KCNJ4: variants seen among roughly 807,000 people sequenced by gnomAD.
KCNJ4 encodes potassium inwardly rectifying channel subfamily J member 4.
KCNJ4 carries 3 observed loss-of-function variants against 25.6 expected under a neutral mutation model. The observed-to-expected ratio is 0.12, with a 90% CI of 0.05 to 0.30. The LOEUF is 0.30. KCNJ4 is among the 10% of genes least tolerant of loss of function. The pLI is 1.00. For missense variants in KCNJ4, 286 were observed against 666.8 expected (o/e 0.43, Z 6.29); for synonymous variants, 257 against 283.9 (o/e 0.91, Z 0.95).
chr22:38,435,642 A>C (rs1434323972), intron 1 of KCNJ4, among the ~76,000 whole-genome samples: 1 of 151,774 alleles, frequency 6.6e-6, no homozygotes, highest in Non-Finnish European at 1.5e-5. Flanking sequence ...GCAGTGAGCC[A>C]AGATCGTGCC....
rs553982897 is a variant in KCNJ4 at position 38,443,285 on chromosome 22, C to T, written c.-40+11695G>A. 2.5e-3 allele frequency among the ~76,000 whole-genome samples: 385 copies of T among 152,282 alleles called. 2 individuals are homozygous for T. The highest frequency in any genetic ancestry group is 3.8e-3 in the Non-Finnish European group (258 of 68,024). ...GTGCCCAGCTCCGCCATCCCACCTC[C>T]CTTCTCTTCTCCCCAGTCCTGTGAT... On this transcript the variant is annotated intron_variant, in intron 1 of 1. Transcript: ENST00000303592. The surrounding 1 kb of genome is among the most constrained non-coding windows in gnomAD (Gnocchi z 4.1).
At chr22:38,448,071 A>AAG (rs2089387405) in intron 1 of KCNJ4, among the ~76,000 whole-genome samples, 1 of 149,620 alleles carries the variant, frequency 6.7e-6, no homozygotes, top group Non-Finnish European at 1.5e-5. Flanking sequence ...AAAAAAAAAA[A>AAG]AAAGAAAAGA....
intron 1 of KCNJ4, among the ~76,000 whole-genome samples, chr22:38,429,291 C>T (rs2093042370): frequency 6.6e-6 from 1 of 152,104 alleles, no homozygotes; most frequent in Non-Finnish European, 1.5e-5. Flanking sequence ...GGGGAGCCCC[C>T]AGCTCTGACT....
chr22:38,427,986 G>T lies in KCNJ4; in HGVS notation c.147C>A (p.Thr49=). Residue 49 remains threonine (T), a synonymous_variant, in exon 2 of 2, where the codon ACC becomes ACA. Transcript: ENST00000303592. Reference sequence around the variant, plus strand: ...TGTAGCGCCAGCGCGTGTCCACGCAGGTGGTGAAGATGTCCGCCATGTAGC... The same window carrying T: ...TGTAGCGCCAGCGCGTGTCCACGCATGTGGTGAAGATGTCCGCCATGTAGC... ...SQRYMADIFT[T]CVDTRWRYML... is the part of the protein sequence containing the mutation. 1 of 1,614,228 alleles carries T rather than the reference G, an allele frequency of 6.2e-7. No individual in the cohort carries two copies. The highest frequency in any genetic ancestry group is 1.1e-5 in the South Asian group (1 of 91,090).
chr22:38,443,179 G>C lies in KCNJ4; in HGVS notation c.-40+11801C>G, dbSNP rs2089349282. Among the ~76,000 whole-genome samples, 1 of 151,860 alleles carries C rather than the reference G, an allele frequency of 6.6e-6. No homozygotes were observed. Among genetic ancestry groups the C allele is most frequent in the African/African-American group, 2.4e-5 (1 of 41,310 alleles). ...TGGACTGGCCCTCGTTTTCCTCCTT[G>C]AGTCCTCCAGGCCTGAGGGTCCCTC... On this transcript the variant is annotated intron_variant, in intron 1 of 1. Coordinates refer to ENST00000303592, the MANE Select transcript of KCNJ4 (RefSeq NM_152868.3). The surrounding 1 kb of genome is among the most constrained non-coding windows in gnomAD (Gnocchi z 4.1).
chr22:38,452,964 A>C (rs960877133), intron 1 of KCNJ4, among the ~76,000 whole-genome samples: 1 of 148,652 alleles, frequency 6.7e-6, no homozygotes, highest in Non-Finnish European at 1.5e-5. Context: ...TGTCGCTTAC[A>C]TGTCCTCGTG....
chr22:38,430,288 A>G (rs1039125751), intron 1 of KCNJ4, among the ~76,000 whole-genome samples: 1 of 152,156 alleles, frequency 6.6e-6, no homozygotes, highest in African/African-American at 2.4e-5. Context: ...GGATCACCTG[A>G]GGTTGGGAGT....
chr22:38,440,783 G>A (rs936972156), intron 1 of KCNJ4, among the ~76,000 whole-genome samples: 10 of 152,174 alleles, frequency 6.6e-5, no homozygotes, highest in Admixed American at 2.6e-4. Context: ...TGAAGAGTCC[G>A]CAGGGTTTGA....
At chr22:38,452,957 C>T (rs776034378) in intron 1 of KCNJ4, among the ~76,000 whole-genome samples, 1 of 147,980 alleles carries the variant, frequency 6.8e-6, no homozygotes, top group Admixed American at 6.9e-5. Context: ...GTTGTCATGT[C>T]GCTTACATGT....
intron 1 of KCNJ4, among the ~76,000 whole-genome samples, chr22:38,438,830 G>A (rs1390896354): frequency 6.6e-6 from 1 of 152,244 alleles, no homozygotes; most frequent in African/African-American, 2.4e-5. Flanking sequence ...AGGCCACAGA[G>A]GCGGCAGATG....
chr22:38,430,813 G>A (rs1387853311), intron 1 of KCNJ4, among the ~76,000 whole-genome samples: 1 of 152,218 alleles, frequency 6.6e-6, no homozygotes, highest in Non-Finnish European at 1.5e-5. Context: ...AGGACAGGAG[G>A]AGCATAGGGT....
intron 1 of KCNJ4, among the ~76,000 whole-genome samples, chr22:38,452,574 A>AT (rs1048956835): frequency 6.6e-6 from 1 of 152,018 alleles, no homozygotes; most frequent in African/African-American, 2.4e-5. Context: ...GGCGGTGGTG[A>AT]TGTAATGCAC....
chr22:38,434,955 A>G (rs1040602871), intron 1 of KCNJ4, among the ~76,000 whole-genome samples: 2 of 152,192 alleles, frequency 1.3e-5, no homozygotes, highest in African/African-American at 4.8e-5. Flanking sequence ...GCGTTATTAC[A>G]TTGCAGGTAA....
intron 1 of KCNJ4, among the ~76,000 whole-genome samples, chr22:38,445,419 A>G (rs1319756574): frequency 6.6e-6 from 1 of 152,258 alleles, no homozygotes; most frequent in Admixed American, 6.5e-5. Context: ...ACAGGACAGT[A>G]GCTTTCAAGT....
chr22:38,433,909 A>G (rs1056791531), intron 1 of KCNJ4, among the ~76,000 whole-genome samples: 1 of 152,176 alleles, frequency 6.6e-6, no homozygotes, highest in African/African-American at 2.4e-5. Context: ...CAATTTTAGG[A>G]CACTAACTTA....
Position 38,443,007 on chromosome 22 carries a change from T to C in KCNJ4, c.-40+11973A>G, listed in dbSNP as rs1289255944. Reference sequence around the variant, plus strand: ...ATCCTCCTGTCTCAGCCTCTCACAGTGTTGGCATGAGCCACCGTGCCCGGC... The same window carrying C: ...ATCCTCCTGTCTCAGCCTCTCACAGCGTTGGCATGAGCCACCGTGCCCGGC... On this transcript the variant is annotated intron_variant, in intron 1 of 1. Transcript: ENST00000303592. This position sits in a 1 kb window ranked among gnomAD's most constrained non-coding sequence, Gnocchi z 4.1. 6.6e-6 allele frequency among the ~76,000 whole-genome samples: 1 copy of C among 152,144 alleles called. No homozygotes were observed. The highest frequency in any genetic ancestry group is 1.9e-4 in the East Asian group (1 of 5,190).
At chr22:38,433,265 T>C (rs1290599869) in intron 1 of KCNJ4, among the ~76,000 whole-genome samples, 3 of 150,888 alleles carry the variant, frequency 2.0e-5, no homozygotes, top group Non-Finnish European at 4.4e-5. Flanking sequence ...CTGACCAACA[T>C]GGAGAAAACT....
intron 1 of KCNJ4, among the ~76,000 whole-genome samples, chr22:38,432,691 G>A (rs572014491): frequency 2.6e-5 from 4 of 152,184 alleles, no homozygotes; most frequent in Non-Finnish European, 5.9e-5. Context: ...TCAATGGGCC[G>A]GGCGCGGTGG....
chr22:38,444,443 T>G (rs754588628), intron 1 of KCNJ4, among the ~76,000 whole-genome samples: 1 of 152,144 alleles, frequency 6.6e-6, no homozygotes, highest in Non-Finnish European at 1.5e-5. Context: ...ATGAGCACAA[T>G]GGCCATGAGC....
Sources: gnomAD v4.1 joint callset for allele counts (sites outside exome capture counted in the v4.1 genomes callset) on GRCh38, gnomAD v4.1.1 for gene constraint, Gnocchi (gnomAD v3.1) non-coding constraint, MANE v1.5 for transcripts, NCBI Gene and HGNC (gene_info 2026-07-23, HGNC 2026-07-21) for gene names.